FOXN3: variants seen among roughly 807,000 people sequenced by gnomAD.
The protein encoded by FOXN3 is forkhead box protein N3.
A neutral mutation model predicts 38.4 loss-of-function variants in FOXN3; 7 were observed. The ratio of observed to expected loss-of-function variants is 0.18; its 90% CI spans 0.10 to 0.34. The LOEUF is 0.34. Ranked by LOEUF, FOXN3 falls within the 10% of genes least tolerant of loss-of-function variation. The probability of loss-of-function intolerance (pLI) is 1.00; values close to 1 mark genes in which losing one functional copy is unlikely to be tolerated. For missense variants in FOXN3, 456 were observed against 613.4 expected (o/e 0.74, Z 2.71); for synonymous variants, 230 against 242.2 (o/e 0.95, Z 0.47).
rs1394090743 is a variant in FOXN3, at chr14:89,198,620, T to C, written c.746-17814A>G. Among the ~76,000 whole-genome samples the C allele has an allele frequency of 4.6e-5, 7 of 152,212 alleles. 1 individual carries two copies. The East Asian group carries it at 1.3e-3, about 29-fold the overall frequency. On this transcript the variant is annotated intron_variant, in intron 4 of 5. Transcript: ENST00000557258. ...TGCACTTCTTTCCCCCAAGGATGTATGGCAATGTCTGAAAATGTTTTTGAT... is the reference window on the plus strand; with the variant it reads ...TGCACTTCTTTCCCCCAAGGATGTACGGCAATGTCTGAAAATGTTTTTGAT...
intron 1 of FOXN3, among the ~76,000 whole-genome samples, chr14:89,428,806 G>A (rs1160083300): frequency 1.3e-5 from 2 of 152,356 alleles, no homozygotes; most frequent in South Asian, 2.1e-4. Flanking sequence ...CACGCCCCAC[G>A]AGTGCCTGCA....
intron 1 of FOXN3, among the ~76,000 whole-genome samples, chr14:89,542,883 A>T (rs1236247980): frequency 1.3e-5 from 2 of 152,206 alleles, no homozygotes; most frequent in African/African-American, 2.4e-5. Flanking sequence ...AACTCCAGCC[A>T]CCTGACGCTG....
rs1887949523 is a variant in FOXN3, at chr14:89,323,343, A to AGTATTTTGAAGGGGTGGTTAGG, written c.680+27307_680+27328dup. ...AAAGAAAGAATGACAGTGGGGCACG[A>AGTATTTTGAAGGGGTGGTTAGG]GTATTTTGAAGGGGTGGTTAGGGTA... On this transcript the variant is annotated intron_variant, in intron 3 of 5. Transcript: ENST00000557258. 3.3e-5 allele frequency among the ~76,000 whole-genome samples: 5 copies of AGTATTTTGAAGGGGTGGTTAGG among 151,620 alleles called. No homozygotes were observed. The South Asian group carries it at 1.0e-3, about 32-fold the overall frequency.
chr14:89,542,717 G>C (rs945214345), intron 1 of FOXN3, among the ~76,000 whole-genome samples: 2 of 152,198 alleles, frequency 1.3e-5, no homozygotes, highest in African/African-American at 4.8e-5. Context: ...TGAGATGCAA[G>C]TGCCATTTCA....
chr14:89,471,591 A>G (rs991351217), intron 1 of FOXN3, among the ~76,000 whole-genome samples: 4 of 152,202 alleles, frequency 2.6e-5, no homozygotes, highest in Non-Finnish European at 5.9e-5. Flanking sequence ...CTCAAAAAAA[A>G]GACTTTAAAA....
intron 1 of FOXN3, among the ~76,000 whole-genome samples, chr14:89,459,521 A>G (rs1336645238): frequency 6.6e-6 from 1 of 152,216 alleles, no homozygotes; most frequent in Non-Finnish European, 1.5e-5. Context: ...TAGAGCCTGC[A>G]GTGGACTGGA....
intron 2 of FOXN3, among the ~76,000 whole-genome samples, chr14:89,393,494 TTATCTGAAAACATTCATGGCTG>T (rs1380859197): frequency 1.3e-5 from 2 of 152,174 alleles, no homozygotes; most frequent in African/African-American, 4.8e-5. Flanking sequence ...TCTGAACAGA[TTATCTGAAAACATTCATGGCTG>T]TCTCTGAAGT....
chr14:89,482,768 G>A (rs79695220), intron 1 of FOXN3, among the ~76,000 whole-genome samples: 113,404 of 149,316 alleles, frequency 0.76, 43,088 homozygotes, highest in Non-Finnish European at 0.81. Flanking sequence ...AAATTAGCTG[G>A]GCATGGTGGC....
chr14:89,226,969 CTG>C lies in FOXN3; in HGVS notation c.746-46165_746-46164del, dbSNP rs565047884. Among the ~76,000 whole-genome samples the C allele has an allele frequency of 2.0e-3, 311 of 152,294 alleles. 1 individual carries two copies. Among genetic ancestry groups the C allele is most frequent in the African/African-American group, 7.4e-3 (307 of 41,558 alleles). On this transcript the variant is annotated intron_variant, in intron 4 of 5. Coordinates refer to ENST00000557258, the MANE Select transcript of FOXN3 (RefSeq NM_005197.4). Reference sequence around the variant, plus strand: ...GACTTCAGACTTCTGATCTCTGAAACTGTGAGACAATAAATCTCTGTTGTTGA... The same window carrying C: ...GACTTCAGACTTCTGATCTCTGAAACTGAGACAATAAATCTCTGTTGTTGA...
At chr14:89,330,432 A>C (rs1888214345) in intron 3 of FOXN3, among the ~76,000 whole-genome samples, 1 of 152,128 alleles carries the variant, frequency 6.6e-6, no homozygotes, top group African/African-American at 2.4e-5. Context: ...GAGTCTTCTG[A>C]CTCTCATATC....
At chr14:89,180,093 G>A (rs932546715) in intron 5 of FOXN3, among the ~76,000 whole-genome samples, 5 of 152,240 alleles carry the variant, frequency 3.3e-5, no homozygotes, top group Non-Finnish European at 7.3e-5. Flanking sequence ...GCCGCAGGCT[G>A]GCGGTGGACC....
chr14:89,419,460 C>A (rs1263309822), upstream of FOXN3: 2 of 299,684 alleles, frequency 6.7e-6, no homozygotes, highest in African/African-American at 4.4e-5. Flanking sequence ...CCTGAGAAGT[C>A]ACAAATAAGC....
chr14:89,521,076 G>A (rs1011083883), intron 1 of FOXN3, among the ~76,000 whole-genome samples: 1 of 152,172 alleles, frequency 6.6e-6, no homozygotes, highest in Non-Finnish European at 1.5e-5. Context: ...CACTTTGGGA[G>A]GCCAAGGCAG....
chr14:89,473,313 C>G (rs533276598), intron 1 of FOXN3, among the ~76,000 whole-genome samples: 1 of 151,906 alleles, frequency 6.6e-6, no homozygotes, highest in African/African-American at 2.4e-5. Context: ...CGTGAGCCAC[C>G]GTGCCCGGCC....
intron 3 of FOXN3, among the ~76,000 whole-genome samples, chr14:89,318,242 T>A (rs533147395): frequency 1.4e-5 from 2 of 145,482 alleles, no homozygotes; most frequent in Non-Finnish European, 3.0e-5. Flanking sequence ...CACTGCAACC[T>A]CCACCTGCCA....
chr14:89,240,431 T>C (rs962158680), intron 4 of FOXN3, among the ~76,000 whole-genome samples: 1 of 152,242 alleles, frequency 6.6e-6, no homozygotes, highest in Non-Finnish European at 1.5e-5. Flanking sequence ...TGCAGGAGTA[T>C]TCACTGCAAC....
intron 1 of FOXN3, among the ~76,000 whole-genome samples, chr14:89,442,530 GC>G (rs1892408189): frequency 6.6e-6 from 1 of 152,182 alleles, no homozygotes; most frequent in Non-Finnish European, 1.5e-5. Flanking sequence ...AGCTAAACAG[GC>G]ACAGTCTGCC....
At chr14:89,281,299 C>T (rs933001205) in intron 3 of FOXN3, among the ~76,000 whole-genome samples, 8 of 152,154 alleles carry the variant, frequency 5.3e-5, no homozygotes, top group East Asian at 1.9e-4. Flanking sequence ...CATGGTTTAA[C>T]GGCATAGCGT....
intron 4 of FOXN3, among the ~76,000 whole-genome samples, chr14:89,197,454 C>T (rs192008234): frequency 5.9e-5 from 9 of 151,390 alleles, no homozygotes; most frequent in East Asian, 1.9e-4. Flanking sequence ...TGCAGTGAGC[C>T]GAGATGGTGC....
Sources: gnomAD v4.1 joint callset for allele counts (sites outside exome capture counted in the v4.1 genomes callset) on GRCh38, gnomAD v4.1.1 for gene constraint, MANE v1.5 for transcripts, NCBI Gene and HGNC (gene_info 2026-07-23, HGNC 2026-07-21) for gene names.